Variants in GOLGA4 observed in about 807,000 individuals in gnomAD.
The protein encoded by GOLGA4 is golgin A4, also known as golgin subfamily A member 4.
Under a neutral mutation model 265.9 loss-of-function variants are expected in GOLGA4, and 169 were observed. The observed-to-expected ratio is 0.64, with a 90% confidence interval of 0.56 to 0.72. The LOEUF (loss-of-function observed/expected upper bound fraction) is 0.72. GOLGA4 is among the 30% of genes least tolerant of loss of function. The probability of loss-of-function intolerance (pLI) is 0.00; values close to 1 mark genes in which losing one functional copy is unlikely to be tolerated. For missense variants in GOLGA4, 2,482 were observed against 2,483.4 expected, an observed-to-expected ratio of 1.00 and a Z score of 0.01; for synonymous variants, 923 against 855.8, an observed-to-expected ratio of 1.08 and a Z score of -1.37.
intron 2 of GOLGA4, among the ~76,000 whole-genome samples, chr3:37,271,442 G>A (rs1309158818): frequency 2.0e-5 from 3 of 152,162 alleles, no homozygotes; most frequent in Non-Finnish European, 4.4e-5. Context: ...GGAAGAGGAG[G>A]TACTTAAAGT....
chr3:37,324,601 C>A lies in GOLGA4; in HGVS notation c.2715C>A (p.Ile905=), dbSNP rs367815997. 2.6e-4 allele frequency: 424 copies of A among 1,613,142 alleles called. No homozygotes were observed. The highest frequency in any genetic ancestry group is 3.5e-4 in the Non-Finnish European group (414 of 1,179,644). The change falls in exon 14 of 24, where the codon ATC becomes ATA. Residue 905 remains isoleucine (I), a synonymous_variant. Coordinates refer to ENST00000361924, the MANE Select transcript of GOLGA4 (RefSeq NM_002078.5). ...AAGAACAGGAACAGACAAAGCAAAT[C>A]TTGGTGGAAAAGGAAAATATGATTT... ...GNKEQEQTKQ[I]LVEKENMILQ... is the part of the protein sequence containing the mutation.
At chr3:37,337,943 A>G (rs1177692701) in intron 19 of GOLGA4, among the ~76,000 whole-genome samples, 2 of 152,178 alleles carry the variant, frequency 1.3e-5, no homozygotes, top group Non-Finnish European at 2.9e-5. Flanking sequence ...TATTATTTTT[A>G]ATGCTTAACA....
At chr3:37,289,502 G>A (rs2096859364) in intron 5 of GOLGA4, among the ~76,000 whole-genome samples, 1 of 152,192 alleles carries the variant, frequency 6.6e-6, no homozygotes, top group South Asian at 2.1e-4. Context: ...TGAGGTGTTA[G>A]CAACAGAATA....
intron 10 of GOLGA4, among the ~76,000 whole-genome samples, chr3:37,309,755 A>G (rs535278656): frequency 6.6e-6 from 1 of 152,328 alleles, no homozygotes; most frequent in Non-Finnish European, 1.5e-5. Flanking sequence ...CTGTTTCTGC[A>G]TTTAATCCGT....
chr3:37,299,226 A>G (rs2096886602), intron 8 of GOLGA4, 62 bp from the exon 9 acceptor site: 1 of 1,107,208 alleles, frequency 9.0e-7, no homozygotes, highest in South Asian at 1.3e-5. Flanking sequence ...ATAAATGTTT[A>G]GAGTTCTCAA....
rs372476315 is a variant in GOLGA4, at chr3:37,266,951, C to G, written c.163-15007C>G. ...CAGAGTGACAGTGTGGTGAGTCCTT[C>G]CACCGCTTTCTGCATTCCCTTTGTG... On this transcript the variant is annotated intron_variant, in intron 2 of 23. Coordinates refer to ENST00000361924, the MANE Select transcript of GOLGA4 (RefSeq NM_002078.5). 3.8e-5 allele frequency: 45 copies of G among 1,191,818 alleles called. No homozygotes were observed. The African/African-American group carries it at 6.4e-4, about 17-fold the overall frequency. 73.8% of individuals were successfully genotyped at this position (1,191,818 alleles called of 1,614,324 possible).
At chr3:37,328,241 C>A (rs1450797777) in intron 14 of GOLGA4, among the ~76,000 whole-genome samples, 175 bp from the exon 15 acceptor site, 2 of 142,924 alleles carry the variant, frequency 1.4e-5, no homozygotes, top group African/African-American at 5.0e-5. Flanking sequence ...TGGACACACA[C>A]ACACACACAC....
chr3:37,284,038 A>G (rs547983636), intron 3 of GOLGA4, among the ~76,000 whole-genome samples: 1 of 152,276 alleles, frequency 6.6e-6, no homozygotes, highest in African/African-American at 2.4e-5. Flanking sequence ...TCTCAGAGTC[A>G]GGCAGCTTAT....
intron 2 of GOLGA4, among the ~76,000 whole-genome samples, chr3:37,253,620 TAA>T (rs1414732114): frequency 6.6e-6 from 1 of 152,136 alleles, no homozygotes; most frequent in Non-Finnish European, 1.5e-5. Flanking sequence ...TGGTCGATTG[TAA>T]AAGAGTGCTA....
chr3:37,347,214 A>AT lies in GOLGA4; in HGVS notation c.6495dup (p.Val2166CysfsTer11). Reference sequence around the variant, plus strand: ...GCAGGTGGCAATTTGTACCATACGGATGTCTCACTCTTTGGAGAACCTACC... The same window carrying AT: ...GCAGGTGGCAATTTGTACCATACGGATTGTCTCACTCTTTGGAGAACCTACC... On this transcript the variant is annotated frameshift_variant, in exon 21 of 24. Transcript: ENST00000361924. LOFTEE classifies it high-confidence loss of function. The AT allele has an allele frequency of 6.2e-7, 1 of 1,611,854 alleles. No individual in the cohort carries two copies. The highest frequency in any genetic ancestry group is 2.2e-5 in the East Asian group (1 of 44,804).
chr3:37,313,203 A>T (rs985170370), intron 10 of GOLGA4, among the ~76,000 whole-genome samples: 1 of 152,164 alleles, frequency 6.6e-6, no homozygotes, highest in Non-Finnish European at 1.5e-5. Context: ...ACTCCATCTC[A>T]AAAGAAAAAA....
chr3:37,363,490 C>G (rs964136953), intron 23 of GOLGA4, among the ~76,000 whole-genome samples: 1 of 152,190 alleles, frequency 6.6e-6, no homozygotes, highest in Non-Finnish European at 1.5e-5. Context: ...CACCCATATA[C>G]CCTTCACCTA....
At chr3:37,264,801 G>A (rs540933511) in intron 2 of GOLGA4, among the ~76,000 whole-genome samples, 7 of 152,206 alleles carry the variant, frequency 4.6e-5, no homozygotes, top group African/African-American at 1.7e-4. Context: ...GCTTAGGCGA[G>A]CCTCCTACCT....
intron 11 of GOLGA4, among the ~76,000 whole-genome samples, chr3:37,316,801 T>G (rs530257978): frequency 6.6e-6 from 1 of 151,470 alleles, no homozygotes; most frequent in African/African-American, 2.4e-5. Context: ...TCTTCTCTGA[T>G]TTTTTTTTCT....
intron 2 of GOLGA4, chr3:37,275,605 C>T (rs928823863): frequency 1.6e-5 from 23 of 1,472,734 alleles, no homozygotes; most frequent in African/African-American, 9.7e-5. Flanking sequence ...TGCTGCGCGC[C>T]GGGGGTCGCT....
At chr3:37,345,744 C>G (rs927489433) in intron 20 of GOLGA4, among the ~76,000 whole-genome samples, 9 of 152,090 alleles carry the variant, frequency 5.9e-5, no homozygotes, top group Admixed American at 5.2e-4. Context: ...GTCCGGAGTT[C>G]AAGACCAGCC....
intron 5 of GOLGA4, among the ~76,000 whole-genome samples, chr3:37,292,900 G>A (rs993500523): frequency 6.6e-6 from 1 of 152,228 alleles, no homozygotes; most frequent in Non-Finnish European, 1.5e-5. Flanking sequence ...AGACATTTGT[G>A]AGAGGAAAAG....
intron 2 of GOLGA4, among the ~76,000 whole-genome samples, chr3:37,272,726 G>C (rs17036213): frequency 0.038 from 5,848 of 152,262 alleles, 142 homozygotes; most frequent in African/African-American, 0.056. Context: ...TCTAGACCAA[G>C]GGGAAATGCA....
At chr3:37,253,541 C>T (rs957710472) in intron 2 of GOLGA4, among the ~76,000 whole-genome samples, 4 of 151,634 alleles carry the variant, frequency 2.6e-5, no homozygotes, top group South Asian at 2.1e-4. Context: ...TCATTCTATC[C>T]GAAACCATCT....
Sources: allele counts gnomAD v4.1 joint callset (sites outside exome capture counted in the v4.1 genomes callset), GRCh38; gene constraint gnomAD v4.1.1; transcripts MANE v1.5; gene names NCBI Gene and HGNC (gene_info 2026-07-23, HGNC 2026-07-21).